ALG9: variants seen among roughly 807,000 people sequenced by gnomAD.
ALG9 encodes alpha-1,2-mannosyltransferase ALG9.
A neutral mutation model predicts 81.8 loss-of-function variants in ALG9; 55 were observed. The observed-to-expected ratio is 0.67, with a 90% CI of 0.54 to 0.84. The LOEUF is 0.84. Among genes scored for constraint, ALG9 ranks in the 40% least tolerant of loss-of-function variants. The pLI is 0.00. For missense variants in ALG9, 629 were observed against 745.0 expected (o/e 0.84, Z 1.81); for synonymous variants, 278 against 274.3 (o/e 1.01, Z -0.13).
chr11:111,849,378 T>A (rs1318093260), intron 8 of ALG9: 1 of 152,176 alleles, frequency 6.6e-6, no homozygotes, highest in Non-Finnish European at 1.5e-5. Flanking sequence ...TGAAGCCCAT[T>A]TGTCCATCCA....
chr11:111,853,430 A>T lies in ALG9; in HGVS notation c.845T>A (p.Leu282His). 5.0e-6 allele frequency: 8 copies of T among 1,614,138 alleles called. No homozygotes were observed. Among genetic ancestry groups the T allele is most frequent in the Non-Finnish European group, 6.8e-6 (8 of 1,179,960 alleles). ...AAAGACATTATACAAAACAATGTTGAGTGGTGCAATCACCAACTTCCCATA... is the reference window on the plus strand; with the variant it reads ...AAAGACATTATACAAAACAATGTTGTGTGGTGCAATCACCAACTTCCCATA... ...YYYGKLVIAPLNIVLYNVFTP... is the reference protein window; with the variant it reads ...YYYGKLVIAPHNIVLYNVFTP... The change falls in exon 8 of 15, where the codon CTC becomes CAC. Residue 282 changes from leucine (L) to histidine (H), a missense_variant. By Grantham distance (99) the Leu-to-His change is moderately conservative. Transcript: ENST00000616540.
At chr11:111,844,291 A>G (rs1279227258) in intron 9 of ALG9, among the ~76,000 whole-genome samples, 2 of 152,164 alleles carry the variant, frequency 1.3e-5, no homozygotes, top group Non-Finnish European at 2.9e-5. Flanking sequence ...GATGTCAGCC[A>G]CCGCGCCCGG....
chr11:111,800,230 C>T (rs1245441136), intron 14 of ALG9, among the ~76,000 whole-genome samples: 1 of 152,100 alleles, frequency 6.6e-6, no homozygotes, highest in Admixed American at 6.6e-5. Context: ...CCTGTAATCC[C>T]AGCACTTTGG....
intron 13 of ALG9, among the ~76,000 whole-genome samples, chr11:111,823,350 C>T (rs1194779346): frequency 6.6e-6 from 1 of 152,212 alleles, no homozygotes; most frequent in South Asian, 2.1e-4. Flanking sequence ...CTCTAAACTA[C>T]TGCTGCTCAT....
chr11:111,781,655 A>AT (rs782369826), downstream of ALG9, among the ~76,000 whole-genome samples: 19 of 149,004 alleles, frequency 1.3e-4, no homozygotes, highest in South Asian at 8.5e-4. Context: ...ATTTTTTATT[A>AT]TTTTTTTTTT....
At chr11:111,819,151 G>A (rs1209644452) in intron 13 of ALG9, among the ~76,000 whole-genome samples, 2 of 152,222 alleles carry the variant, frequency 1.3e-5, no homozygotes, top group African/African-American at 4.8e-5. Flanking sequence ...TTTTATCACA[G>A]TTTAGAATGC....
At chr11:111,818,204 G>A (rs959382139) in intron 13 of ALG9, among the ~76,000 whole-genome samples, 6 of 152,224 alleles carry the variant, frequency 3.9e-5, no homozygotes, top group Non-Finnish European at 4.4e-5. Context: ...CACCTAATGA[G>A]GTGGGAAGAA....
rs1946298769 is a variant in ALG9 at position 111,784,785 on chromosome 11, G to T, written c.*1612C>A. 6.6e-6 allele frequency: 1 copy of T among 152,152 alleles called. No homozygotes were observed. Among genetic ancestry groups the T allele is most frequent in the African/African-American group, 2.4e-5 (1 of 41,450 alleles). The allele number at this position is 152,152 out of a possible 1,614,324, so 9.4% of individuals were successfully genotyped here. A position where few individuals can be genotyped will look rare whatever the true frequency, so the allele number is the denominator to read the frequency against. On this transcript the variant is annotated 3_prime_UTR_variant, in exon 15 of 15. Coordinates refer to ENST00000616540, the MANE Select transcript of ALG9 (RefSeq NM_024740.2). ...GATTCATCCTATTTGCAGATATTCA[G>T]ATCAGTTACCCTTAGGGAAATAAGG...
chr11:111,865,480 T>C (rs372418334), intron 3 of ALG9, among the ~76,000 whole-genome samples: 19 of 152,346 alleles, frequency 1.2e-4, no homozygotes, highest in Middle Eastern at 3.4e-3. Flanking sequence ...ATGAAAATGT[T>C]AATTGCAGTT....
intron 14 of ALG9, among the ~76,000 whole-genome samples, chr11:111,802,674 T>A (rs964029080): frequency 2.0e-5 from 3 of 151,268 alleles, no homozygotes; most frequent in African/African-American, 7.3e-5. Flanking sequence ...CAATAAAGTT[T>A]AAAAAAAAAC....
At chr11:111,833,329 T>C (rs1954703496) in intron 13 of ALG9, among the ~76,000 whole-genome samples, 1 of 152,188 alleles carries the variant, frequency 6.6e-6, no homozygotes, top group Non-Finnish European at 1.5e-5. Flanking sequence ...TCTTGGCATG[T>C]ACCCCTGTAA....
the ALG9 span, among the ~76,000 whole-genome samples, chr11:111,776,270 T>C: frequency 6.6e-6 from 1 of 152,094 alleles, no homozygotes; most frequent in South Asian, 2.1e-4. Context: ...AGAGCAAATC[T>C]GACAATCTAG....
chr11:111,806,478 T>C (rs1234767334), intron 14 of ALG9, among the ~76,000 whole-genome samples: 1 of 152,178 alleles, frequency 6.6e-6, no homozygotes, highest in African/African-American at 2.4e-5. Context: ...CCTGAAAACA[T>C]TTTCTTGCCT....
chr11:111,808,154 T>C (rs1402680051), intron 14 of ALG9, among the ~76,000 whole-genome samples: 14 of 152,176 alleles, frequency 9.2e-5, no homozygotes, highest in Admixed American at 9.2e-4. Context: ...TATCAGATAC[T>C]TGAGGGAATG....
chr11:111,857,859 T>A, intron 5 of ALG9, 122 bp from the exon 6 acceptor site: 1 of 1,104,910 alleles, frequency 9.1e-7, no homozygotes, highest in Non-Finnish European at 1.3e-6. Flanking sequence ...GGTACATAAT[T>A]GGGGAAATGC....
At chr11:111,802,736 C>A (rs1949316156) in intron 14 of ALG9, among the ~76,000 whole-genome samples, 1 of 152,126 alleles carries the variant, frequency 6.6e-6, no homozygotes, top group Admixed American at 6.5e-5. Context: ...TGTAACTATA[C>A]AAAAGTGAAG....
intron 4 of ALG9, among the ~76,000 whole-genome samples, chr11:111,863,988 C>T (rs1432535380): frequency 2.6e-5 from 4 of 152,076 alleles, no homozygotes; most frequent in Admixed American, 2.0e-4. Context: ...TACAGTGTTC[C>T]CTTCAACTGT....
At chr11:111,864,068 T>C (rs1961375411) in intron 4 of ALG9, among the ~76,000 whole-genome samples, 1 of 151,934 alleles carries the variant, frequency 6.6e-6, no homozygotes, top group African/African-American at 2.4e-5. Context: ...CATCAAAATC[T>C]CAGAAATCAC....
intron 13 of ALG9, among the ~76,000 whole-genome samples, chr11:111,813,415 A>G (rs942618789): frequency 1.3e-5 from 2 of 152,206 alleles, no homozygotes; most frequent in South Asian, 2.1e-4. Context: ...CAGCCTGAGC[A>G]AAATAGTGAG....
Sources: gnomAD v4.1 joint callset for allele counts (sites outside exome capture counted in the v4.1 genomes callset) on GRCh38, gnomAD v4.1.1 for gene constraint, MANE v1.5 for transcripts, NCBI Gene and HGNC (gene_info 2026-07-23, HGNC 2026-07-21) for gene names.